The following GMDS variants were observed in gnomAD, a reference collection of about 807,000 sequenced individuals.
GMDS encodes the protein GDP-mannose 4,6 dehydratase.
Under a neutral mutation model 49.9 loss-of-function variants are expected in GMDS, and 20 were observed. The ratio of observed to expected loss-of-function variants is 0.40; its 90% CI spans 0.28 to 0.58. The LOEUF is 0.58. Among genes scored for constraint, GMDS ranks in the 20% least tolerant of loss-of-function variants. The pLI, the probability that GMDS is intolerant of heterozygous loss-of-function variation, is 0.42. For synonymous variants in GMDS, 177 were observed against 178.6 expected (o/e 0.99, Z 0.07); for missense variants, 362 against 481.4 (o/e 0.75, Z 2.32).
At chr6:1,940,331 A>G (rs1762762929) in intron 6 of GMDS, among the ~76,000 whole-genome samples, 1 of 152,272 alleles carries the variant, frequency 6.6e-6, no homozygotes, top group Non-Finnish European at 1.5e-5. Context: ...GAGTTAGATA[A>G]AGTACAATGA....
At chr6:1,905,687 G>C (rs930642264) in intron 7 of GMDS, among the ~76,000 whole-genome samples, 9 of 133,380 alleles carry the variant, frequency 6.7e-5, no homozygotes, top group Non-Finnish European at 1.4e-4. Context: ...GGGCCTCAAA[G>C]GTACCTGTGC....
chr6:1,750,562 G>A (rs946144420), intron 7 of GMDS, among the ~76,000 whole-genome samples: 2 of 152,156 alleles, frequency 1.3e-5, no homozygotes, highest in African/African-American at 2.4e-5. Flanking sequence ...CAGATACTAC[G>A]CTTTTCCCAT....
At chr6:2,023,521 G>A (rs898798266) in intron 4 of GMDS, among the ~76,000 whole-genome samples, 2 of 152,132 alleles carry the variant, frequency 1.3e-5, no homozygotes, top group African/African-American at 4.8e-5. Context: ...TTCCACGGAG[G>A]GCAGAGATGT....
chr6:1,860,841 G>A (rs1440654361), intron 7 of GMDS, among the ~76,000 whole-genome samples: 1 of 152,158 alleles, frequency 6.6e-6, no homozygotes, highest in African/African-American at 2.4e-5. Flanking sequence ...TGAGTTACAT[G>A]GCAGGCACAC....
intron 4 of GMDS, among the ~76,000 whole-genome samples, chr6:1,967,556 T>C (rs908235311): frequency 6.6e-5 from 10 of 152,128 alleles, no homozygotes; most frequent in Non-Finnish European, 1.3e-4. Context: ...AGCATAACAA[T>C]AACAATAGTT....
chr6:2,034,122 C>T (rs961239730), intron 4 of GMDS, among the ~76,000 whole-genome samples: 6 of 151,994 alleles, frequency 3.9e-5, no homozygotes, highest in East Asian at 3.9e-4. Flanking sequence ...ATAAGGGACA[C>T]GTACAAAAAT....
intron 4 of GMDS, among the ~76,000 whole-genome samples, chr6:2,103,349 G>A (rs1320273295): frequency 2.0e-5 from 3 of 152,158 alleles, no homozygotes; most frequent in Non-Finnish European, 4.4e-5. Context: ...AAATAATTAT[G>A]TCAGAAATAA....
intron 8 of GMDS, among the ~76,000 whole-genome samples, chr6:1,740,079 G>A (rs1285908112): frequency 6.6e-6 from 1 of 152,032 alleles, no homozygotes; most frequent in Non-Finnish European, 1.5e-5. Context: ...AAACAAAAGT[G>A]CACATATTTT....
chr6:1,932,782 C>A (rs1265723503), intron 6 of GMDS, among the ~76,000 whole-genome samples: 1 of 152,158 alleles, frequency 6.6e-6, no homozygotes, highest in Non-Finnish European at 1.5e-5. Flanking sequence ...TCGTGATCCA[C>A]CTGCCTTGGC....
At chr6:1,839,036 G>A (rs78225837) in intron 7 of GMDS, among the ~76,000 whole-genome samples, 2,460 of 152,144 alleles carry the variant, frequency 0.016, 67 homozygotes, top group African/African-American at 0.056. Context: ...ACCTTTAGCC[G>A]ACATTTTTCT....
At position 1,806,782 on chromosome 6, in the gene GMDS, C is replaced by T. The variant is rs147709786; in HGVS notation, c.772-64196G>A. On this transcript the variant is annotated intron_variant, in intron 7 of 10. Transcript: ENST00000380815. ...CATGGTTACCTTTCAAAAATAGAAC[C>T]GTAAATATCTCTCAACTTCAGGAAC... 4.6e-3 allele frequency among the ~76,000 whole-genome samples: 696 copies of T among 152,148 alleles called. 2 individuals are homozygous for T. The highest frequency in any genetic ancestry group is 6.4e-3 in the Non-Finnish European group (435 of 68,004).
At chr6:2,065,208 G>A (rs571056893) in intron 4 of GMDS, among the ~76,000 whole-genome samples, 1 of 152,116 alleles carries the variant, frequency 6.6e-6, no homozygotes, top group Non-Finnish European at 1.5e-5. Flanking sequence ...CTGCAGCTGA[G>A]GGTCCTGTCT....
In GMDS at chr6:2,243,384, G is replaced by A. The variant is rs565087309; in HGVS notation, c.102+1937C>T. Among the ~76,000 whole-genome samples the A allele has an allele frequency of 7.9e-5, 12 of 152,256 alleles. No individual in the cohort carries two copies. In the East Asian group the frequency reaches 9.6e-4, roughly 12 times the overall value. On this transcript the variant is annotated intron_variant, in intron 1 of 10. Coordinates refer to ENST00000380815, the MANE Select transcript of GMDS (RefSeq NM_001500.4). ...TCTGCACTGATTCATACTGCTGGTC[G>A]TGTAAATTGGTATAGGCCACACCAA...
chr6:2,150,518 T>A lies in GMDS; in HGVS notation c.103-25787A>T, dbSNP rs115053897. 5.5e-3 allele frequency among the ~76,000 whole-genome samples: 835 copies of A among 152,352 alleles called. 2 individuals are homozygous for A. The highest frequency in any genetic ancestry group is 0.017 in the Middle Eastern group (5 of 294). ...TAGGGATGTGGATTCCAGTATCAGA[T>A]TAGCTTTACCATTTATAACAATGTC... is the stretch of plus-strand genomic sequence containing the variant. On this transcript the variant is annotated intron_variant, in intron 1 of 10. Coordinates refer to ENST00000380815, the MANE Select transcript of GMDS (RefSeq NM_001500.4).
intron 4 of GMDS, among the ~76,000 whole-genome samples, chr6:2,023,051 C>T (rs976265724): frequency 2.6e-5 from 4 of 152,018 alleles, no homozygotes; most frequent in African/African-American, 7.2e-5. Context: ...CTAATACTGA[C>T]GTAGGACCTA....
At chr6:1,648,872 C>T (rs1763563716) in intron 9 of GMDS, among the ~76,000 whole-genome samples, 1 of 152,188 alleles carries the variant, frequency 6.6e-6, no homozygotes, top group African/African-American at 2.4e-5. Flanking sequence ...GATAAAAGAT[C>T]TAAAACATAC....
chr6:1,959,976 T>G lies in GMDS; in HGVS notation c.539-5A>C. The G allele has an allele frequency of 6.4e-7, 1 of 1,565,168 alleles. No individual in the cohort carries two copies. The highest frequency in any genetic ancestry group is 8.7e-7 in the Non-Finnish European group (1 of 1,146,152). On this transcript the variant is annotated splice_region_variant and splice_polypyrimidine_tract_variant and intron_variant, in intron 5 of 10. Transcript: ENST00000380815. ...AGGCATAGAGTTTTGCTGCCCCTGT[T>G]GGAATAATTTTTTTTAAGCAATGAA...
chr6:1,714,297 C>G (rs983732627), intron 9 of GMDS, among the ~76,000 whole-genome samples: 1 of 151,992 alleles, frequency 6.6e-6, no homozygotes. Flanking sequence ...GGATTACAGG[C>G]GTGAGCCACT....
Position 2,194,701 on chromosome 6 carries a change from CACAA to C in GMDS, c.102+50616_102+50619del, listed in dbSNP as rs1235472964. Among the ~76,000 whole-genome samples, 10 of 152,196 alleles carry C rather than the reference CACAA, an allele frequency of 6.6e-5. No homozygotes were observed. The South Asian group carries it at 1.2e-3, about 19-fold the overall frequency. The stretch of plus-strand genomic sequence containing the variant: ...TTCCTAAACATGGAAGAGGGGAAAA[CACAA>C]ACAATTTCTTCCACACGTGTCACAC... On this transcript the variant is annotated intron_variant, in intron 1 of 10. Coordinates refer to ENST00000380815, the MANE Select transcript of GMDS (RefSeq NM_001500.4).
Sources: allele counts gnomAD v4.1 joint callset (sites outside exome capture counted in the v4.1 genomes callset), GRCh38; gene constraint gnomAD v4.1.1; transcripts MANE v1.5; gene names NCBI Gene and HGNC (gene_info 2026-07-23, HGNC 2026-07-21).